SLC26A5: variants seen among roughly 807,000 people sequenced by gnomAD.
The protein encoded by SLC26A5 is prestin.
SLC26A5 carries 51 observed loss-of-function variants against 81.0 expected under a neutral mutation model. That is an observed-to-expected ratio of 0.63 (90% CI 0.50 to 0.80). The LOEUF is 0.80. SLC26A5 is among the 30% of genes least tolerant of loss of function. The probability of loss-of-function intolerance (pLI) is 0.00; values close to 1 mark genes in which losing one functional copy is unlikely to be tolerated. For missense variants in SLC26A5, 771 were observed against 905.8 expected, an observed-to-expected ratio of 0.85 and a Z score of 1.91; for synonymous variants, 325 against 332.8, an observed-to-expected ratio of 0.98 and a Z score of 0.25.
intron 19 of SLC26A5, among the ~76,000 whole-genome samples, chr7:103,361,323 A>G (rs1356399984): frequency 6.8e-6 from 1 of 147,138 alleles, no homozygotes; most frequent in Non-Finnish European, 1.5e-5. Flanking sequence ...TTCAAGAGAA[A>G]CCCCCTCTCT....
At chr7:103,429,361 C>G (rs543959272) in intron 2 of SLC26A5, among the ~76,000 whole-genome samples, 1 of 152,182 alleles carries the variant, frequency 6.6e-6, no homozygotes, top group African/African-American at 2.4e-5. Flanking sequence ...AAGCTTACTA[C>G]GTCTTTCACA....
At chr7:103,417,629 T>G (rs184068151) in intron 4 of SLC26A5, among the ~76,000 whole-genome samples, 1 of 152,188 alleles carries the variant, frequency 6.6e-6, no homozygotes, top group Non-Finnish European at 1.5e-5. Flanking sequence ...CTCTAGCCCC[T>G]ACCTCTCTTT....
intron 5 of SLC26A5, among the ~76,000 whole-genome samples, chr7:103,412,012 T>C (rs958962759): frequency 2.0e-5 from 3 of 151,952 alleles, no homozygotes; most frequent in Admixed American, 6.6e-5. Flanking sequence ...AAGCTCCAAC[T>C]AGGCCAAGTG....
chr7:103,374,562 C>A lies in SLC26A5; in HGVS notation c.2072G>T (p.Arg691Ile). Residue 691 changes from arginine (R) to isoleucine (I), a missense_variant, in exon 20 of 20, where the codon AGA (arginine) becomes ATA (isoleucine). Coordinates refer to ENST00000306312, the MANE Select transcript of SLC26A5 (RefSeq NM_198999.3). ...CCATAGGGCAGGATTTTCAAAAAAT[C>A]TATTCCGAGTGAGGTCATTCACAAC... ...AQVVNDLTRN[R>I]FFENPALWEL... 6.2e-7 allele frequency: 1 copy of A among 1,613,958 alleles called. No individual in the cohort carries two copies. Among genetic ancestry groups the A allele is most frequent in the Non-Finnish European group, 8.5e-7 (1 of 1,180,002 alleles).
rs755570863 is a variant in SLC26A5, at chr7:103,378,534, A to G, written c.1697T>C (p.Val566Ala). ...LKRKTGVNPA[V>A]IMGARRKAMR... is the part of the protein sequence containing the mutation. Reference sequence around the variant, plus strand: ...GGCCTTTCTCCTTGCTCCCATGATGACTGCTGGGTTCACTCCAGTCTTTAC... The same window carrying G: ...GGCCTTTCTCCTTGCTCCCATGATGGCTGCTGGGTTCACTCCAGTCTTTAC... The change falls in exon 17 of 20, where the codon GTC becomes GCC. Residue 566 changes from valine (V) to alanine (A), a missense_variant. Coordinates refer to ENST00000306312, the MANE Select transcript of SLC26A5 (RefSeq NM_198999.3). 2.5e-6 allele frequency: 4 copies of G among 1,614,046 alleles called. No homozygotes were observed. Among genetic ancestry groups the G allele is most frequent in the Non-Finnish European group, 2.5e-6 (3 of 1,179,986 alleles).
chr7:103,406,716 T>G (rs1824085099), intron 8 of SLC26A5, among the ~76,000 whole-genome samples: 1 of 152,138 alleles, frequency 6.6e-6, no homozygotes, highest in South Asian at 2.1e-4. Context: ...AGTGCAGAGG[T>G]GTGATCTTGG....
At chr7:103,437,715 T>C (rs953731267) in intron 2 of SLC26A5, among the ~76,000 whole-genome samples, 4 of 152,130 alleles carry the variant, frequency 2.6e-5, no homozygotes, top group African/African-American at 9.7e-5. Context: ...CTCACTTACA[T>C]GTGGAATCTA....
chr7:103,364,976 TATATA>T, intron 19 of SLC26A5, among the ~76,000 whole-genome samples: 2 of 145,358 alleles, frequency 1.4e-5, no homozygotes, highest in Non-Finnish European at 1.5e-5. Flanking sequence ...TATATATATA[TATATA>T]TATTTAGAGA....
intron 4 of SLC26A5, among the ~76,000 whole-genome samples, chr7:103,418,315 G>A (rs985844827): frequency 1.3e-5 from 2 of 152,224 alleles, no homozygotes; most frequent in East Asian, 1.9e-4. Context: ...AAAGTCAGCT[G>A]GTTGAAAATA....
chr7:103,420,757 C>T lies in SLC26A5; in HGVS notation c.273G>A (p.Gly91=). 1 of 1,614,056 alleles carries T rather than the reference C, an allele frequency of 6.2e-7. No individual in the cohort carries two copies. ...LGDLVSGIST[G]VLQLPQGLAF... ...ACTGACCTTGAGGAAGCTGAAGCAC[C>T]CCTGTGCTTATGCCTGAGACCAAGT... Residue 91 remains glycine, a synonymous_variant, in exon 4 of 20, where the codon GGG becomes GGA. Coordinates refer to ENST00000306312, the MANE Select transcript of SLC26A5 (RefSeq NM_198999.3).
In SLC26A5 at chr7:103,376,801, T is replaced by A; in HGVS notation, c.2041+7A>T. ...TAAGCTTCACCCCATCTTAGAGGTA[T>A]ACTCACCACTGCATCCTGCTAAGTA... On this transcript the variant is annotated splice_region_variant and intron_variant, in intron 19 of 19. Transcript: ENST00000306312. 6.3e-7 allele frequency: 1 copy of A among 1,591,092 alleles called. No individual in the cohort carries two copies. Among genetic ancestry groups the A allele is most frequent in the Non-Finnish European group, 8.6e-7 (1 of 1,159,962 alleles).
At chr7:103,406,505 C>T (rs1021756928) in intron 8 of SLC26A5, among the ~76,000 whole-genome samples, 2 of 152,148 alleles carry the variant, frequency 1.3e-5, no homozygotes, top group African/African-American at 4.8e-5. Flanking sequence ...CCTCTGTGGG[C>T]TGCATCCATT....
Position 103,397,961 on chromosome 7 carries a change from A to G in SLC26A5, c.942T>C (p.Asn314=). 6 of 1,614,090 alleles carry G rather than the reference A, an allele frequency of 3.7e-6. No homozygotes were observed. Among genetic ancestry groups the G allele is most frequent in the Non-Finnish European group, 5.1e-6 (6 of 1,179,990 alleles). Residue 314 remains asparagine (N), a synonymous_variant, in exon 9 of 20, where the codon AAT becomes AAC. Transcript: ENST00000306312. ...SAGFNLKESY[N]VDVVGTLPLG... ...GAGGAAGTGTTCCAACGACATCCAC[A>G]TTGTATGATTCTTTCAAGTTAAACC...
chr7:103,383,654 A>G (rs13362833), intron 14 of SLC26A5, among the ~76,000 whole-genome samples: 1 of 152,102 alleles, frequency 6.6e-6, no homozygotes, highest in South Asian at 2.1e-4. Context: ...GTCTTTAAAA[A>G]TTTATTTTTG....
At chr7:103,419,584 C>T (rs865900319) in intron 4 of SLC26A5, among the ~76,000 whole-genome samples, 1 of 151,658 alleles carries the variant, frequency 6.6e-6, no homozygotes, top group Non-Finnish European at 1.5e-5. Context: ...GTTGCCCAGG[C>T]TGGAGTCCAG....
intron 9 of SLC26A5, among the ~76,000 whole-genome samples, chr7:103,397,067 C>A (rs1823166714): frequency 6.7e-6 from 1 of 148,734 alleles, no homozygotes; most frequent in Non-Finnish European, 1.5e-5. Context: ...TGCACTCCAG[C>A]CTGGGCAACA....
At chr7:103,387,717 T>C (rs1822307515) in intron 14 of SLC26A5, among the ~76,000 whole-genome samples, 1 of 152,154 alleles carries the variant, frequency 6.6e-6, no homozygotes, top group Non-Finnish European at 1.5e-5. Flanking sequence ...GTTTTGCTCT[T>C]GTTGCCCAAG....
intron 5 of SLC26A5, 144 bp from the exon 6 acceptor site, chr7:103,411,730 G>T: frequency 1.1e-6 from 1 of 897,548 alleles, no homozygotes; most frequent in Non-Finnish European, 1.8e-6. Context: ...CCTGCCCCTG[G>T]TGTATGAGCA....
chr7:103,398,101 C>CA, intron 8 of SLC26A5, 87 bp from the exon 9 acceptor site: 1 of 976,034 alleles, frequency 1.0e-6, no homozygotes, highest in Non-Finnish European at 1.7e-6. Context: ...TTAGTCAAGT[C>CA]AAATCTATTC....
Sources: allele counts gnomAD v4.1 joint callset (sites outside exome capture counted in the v4.1 genomes callset), GRCh38; gene constraint gnomAD v4.1.1; transcripts MANE v1.5; gene names NCBI Gene and HGNC (gene_info 2026-07-23, HGNC 2026-07-21).